PTPRT: variants seen among roughly 807,000 people sequenced by gnomAD.
PTPRT encodes receptor-type tyrosine-protein phosphatase T.
A neutral mutation model predicts 176.8 loss-of-function variants in PTPRT; 56 were observed. That is an observed-to-expected ratio of 0.32 (90% CI 0.26 to 0.40). The LOEUF (loss-of-function observed/expected upper bound fraction) is 0.40, where lower values mean the gene tolerates loss of function less well. Ranked by LOEUF, PTPRT falls within the 10% of genes least tolerant of loss-of-function variation. The pLI is 1.00. For synonymous variants in PTPRT, 783 were observed against 739.0 expected (o/e 1.06, Z -0.96); for missense variants, 1,540 against 1,908.2 (o/e 0.81, Z 3.60).
chr20:42,168,865 C>T (rs751378315), intron 16 of PTPRT, among the ~76,000 whole-genome samples: 53 of 152,148 alleles, frequency 3.5e-4, no homozygotes, highest in Non-Finnish European at 6.9e-4. Context: ...GATTCACATC[C>T]TCTTACTCAA....
At chr20:42,925,731 G>T (rs1398013976) in intron 1 of PTPRT, among the ~76,000 whole-genome samples, 2 of 152,184 alleles carry the variant, frequency 1.3e-5, no homozygotes, top group African/African-American at 4.8e-5. Flanking sequence ...GTCCGGGGAG[G>T]GGCCTGAGAA....
chr20:42,619,617 T>C (rs1357919081), intron 7 of PTPRT, among the ~76,000 whole-genome samples: 6 of 134,220 alleles, frequency 4.5e-5, no homozygotes, highest in African/African-American at 2.0e-4. Flanking sequence ...TAGTCCCATA[T>C]TTCTTGGAGG....
At chr20:42,663,468 A>T (rs770263966) in intron 7 of PTPRT, among the ~76,000 whole-genome samples, 28 of 152,142 alleles carry the variant, frequency 1.8e-4, no homozygotes, top group Non-Finnish European at 3.1e-4. Context: ...TGGCTTCGGC[A>T]GGGTGGTGTG....
intron 1 of PTPRT, among the ~76,000 whole-genome samples, chr20:42,952,645 C>T (rs529616970): frequency 6.6e-6 from 1 of 152,312 alleles, no homozygotes; most frequent in East Asian, 1.9e-4. Flanking sequence ...ATACAGTAAG[C>T]AGTATATAAG....
At chr20:42,341,793 T>C (rs1406026433) in intron 11 of PTPRT, among the ~76,000 whole-genome samples, 2 of 152,178 alleles carry the variant, frequency 1.3e-5, no homozygotes, top group African/African-American at 4.8e-5. Flanking sequence ...CCAGTAACAG[T>C]CCCTGTCTCC....
At chr20:42,996,354 G>A (rs912084852) in intron 1 of PTPRT, among the ~76,000 whole-genome samples, 1 of 152,206 alleles carries the variant, frequency 6.6e-6, no homozygotes. Context: ...ATACCCTGCA[G>A]CGACTGCATA....
intron 11 of PTPRT, among the ~76,000 whole-genome samples, chr20:42,342,749 G>A (rs2058130949): frequency 6.6e-6 from 1 of 152,168 alleles, no homozygotes; most frequent in Non-Finnish European, 1.5e-5. Context: ...CTCTGTGATT[G>A]TTTCATGTGC....
At chr20:42,707,772 A>C (rs1260567992) in intron 6 of PTPRT, among the ~76,000 whole-genome samples, 1 of 152,188 alleles carries the variant, frequency 6.6e-6, no homozygotes, top group African/African-American at 2.4e-5. Context: ...TGAGCAACAC[A>C]GCAATACCCC....
At chr20:42,048,325 C>T in the PTPRT span, among the ~76,000 whole-genome samples, 1 of 152,138 alleles carries the variant, frequency 6.6e-6, no homozygotes. Context: ...CTCTGGTGCT[C>T]CTCCCAATGA....
chr20:42,169,519 G>C (rs1284637638), intron 16 of PTPRT, among the ~76,000 whole-genome samples: 1 of 152,110 alleles, frequency 6.6e-6, no homozygotes, highest in Non-Finnish European at 1.5e-5. Context: ...ACACATGCCA[G>C]GATGGTATGG....
chr20:42,225,817 T>G (rs1029795066), intron 15 of PTPRT, among the ~76,000 whole-genome samples: 1 of 152,164 alleles, frequency 6.6e-6, no homozygotes, highest in African/African-American at 2.4e-5. Context: ...CCCACCAGGC[T>G]AATTTTTATA....
intron 7 of PTPRT, among the ~76,000 whole-genome samples, chr20:42,559,318 A>G (rs2072911637): frequency 6.6e-6 from 1 of 152,080 alleles, no homozygotes; most frequent in African/African-American, 2.4e-5. Context: ...GGCCCCAGAG[A>G]CCATAGTTAC....
chr20:42,927,885 TCTC>T (rs1159326426), intron 1 of PTPRT, among the ~76,000 whole-genome samples: 4 of 152,154 alleles, frequency 2.6e-5, no homozygotes, highest in South Asian at 2.1e-4. Flanking sequence ...ATGTATTATT[TCTC>T]CTCATTTTAC....
At chr20:42,108,288 A>C (rs1198308083) in intron 23 of PTPRT, among the ~76,000 whole-genome samples, 2 of 152,160 alleles carry the variant, frequency 1.3e-5, no homozygotes, top group African/African-American at 2.4e-5. Flanking sequence ...TGAACACAGG[A>C]TATTTGAAAA....
At chr20:42,375,062 AGTTAAT>A (rs1405373184) in intron 9 of PTPRT, among the ~76,000 whole-genome samples, 1 of 152,248 alleles carries the variant, frequency 6.6e-6, no homozygotes. Flanking sequence ...CATAGCTTGA[AGTTAAT>A]CCCAAAGACT....
intron 1 of PTPRT, among the ~76,000 whole-genome samples, chr20:43,107,587 C>A (rs995733133): frequency 1.3e-5 from 2 of 152,180 alleles, no homozygotes; most frequent in South Asian, 2.1e-4. Context: ...TCTCAATAGG[C>A]AGATGGAGTC....
intron 1 of PTPRT, among the ~76,000 whole-genome samples, chr20:43,023,569 G>A (rs1338821379): frequency 6.6e-6 from 1 of 152,212 alleles, no homozygotes; most frequent in Non-Finnish European, 1.5e-5. Flanking sequence ...GGTGGGACCT[G>A]AGGCCGGCTG....
intron 27 of PTPRT, among the ~76,000 whole-genome samples, chr20:42,096,829 G>C (rs1985308227): frequency 6.9e-6 from 1 of 144,866 alleles, no homozygotes; most frequent in Non-Finnish European, 1.5e-5. Context: ...TGAACTCTTG[G>C]CCTCCCAAAG....
At chr20:42,476,727 G>C (rs2071296290) in intron 7 of PTPRT, among the ~76,000 whole-genome samples, 1 of 152,202 alleles carries the variant, frequency 6.6e-6, no homozygotes, top group African/African-American at 2.4e-5. Flanking sequence ...ATTCAGGAAA[G>C]GGAAAGACAA....
Sources: allele counts gnomAD v4.1 joint callset (sites outside exome capture counted in the v4.1 genomes callset), GRCh38; gene constraint gnomAD v4.1.1; transcripts MANE v1.5; gene names NCBI Gene and HGNC (gene_info 2026-07-23, HGNC 2026-07-21).